The following FMN2 variants were observed in gnomAD, a reference collection of about 807,000 sequenced individuals.
FMN2 encodes formin-2.
In FMN2, 51 loss-of-function variants were observed where a neutral mutation model predicts 142.3. The observed-to-expected ratio is 0.36, with a 90% CI of 0.29 to 0.45. The LOEUF (loss-of-function observed/expected upper bound fraction) is 0.45. Among genes scored for constraint, FMN2 ranks in the 20% least tolerant of loss-of-function variants. The pLI, the probability that FMN2 is intolerant of heterozygous loss-of-function variation, is 1.00. For missense variants in FMN2, 1,936 were observed against 2,122.8 expected, an observed-to-expected ratio of 0.91 and a Z score of 1.73; for synonymous variants, 882 against 869.8, an observed-to-expected ratio of 1.01 and a Z score of -0.25.
chr1:240,343,926 A>C (rs1326029885), intron 13 of FMN2, among the ~76,000 whole-genome samples: 1 of 152,104 alleles, frequency 6.6e-6, no homozygotes, highest in East Asian at 1.9e-4. Context: ...GGAGAGAGAG[A>C]GGCATTTCAG....
intron 4 of FMN2, among the ~76,000 whole-genome samples, chr1:240,200,303 T>C (rs1666077556): frequency 6.6e-6 from 1 of 152,168 alleles, no homozygotes; most frequent in Admixed American, 6.5e-5. Flanking sequence ...ATTACTAATA[T>C]CTGCCATGTA....
chr1:240,211,147 A>G lies in FMN2; in HGVS notation c.3977A>G (p.His1326Arg), dbSNP rs1417244510. The part of the protein sequence containing the change: ...EKIEEPSIDC[H>R]EFEELFSKTA... ...ATTGAAGAGCCATCCATAGATTGTC[A>G]TGAATTTGAGGAATTATTTTCTAAA... The change falls in exon 6 of 18, where the codon CAT becomes CGT. Residue 1326 changes from histidine (H) to arginine (R), a missense_variant. By Grantham distance (29) the His-to-Arg change is conservative. Around this residue, in one of 8 missense-constraint regions of FMN2, gnomAD observed 259 missense variants for 230.9 expected, o/e 1.12. Coordinates refer to ENST00000319653, the MANE Select transcript of FMN2 (RefSeq NM_020066.5). 1.9e-6 allele frequency: 3 copies of G among 1,613,568 alleles called. No individual in the cohort carries two copies. The highest frequency in any genetic ancestry group is 2.5e-6 in the Non-Finnish European group (3 of 1,179,848).
At chr1:240,227,428 A>AT (rs112001118) in intron 6 of FMN2, among the ~76,000 whole-genome samples, 244 of 151,432 alleles carry the variant, frequency 1.6e-3, no homozygotes, top group African/African-American at 4.7e-3. Context: ...CTCCAAACTC[A>AT]TTTTTTTTTA....
rs748769030 is a variant in FMN2 at position 240,092,192 on chromosome 1, G to A, written c.83G>A (p.Gly28Glu). The change falls in exon 1 of 18, where the codon GGG (glycine) becomes GAG (glutamate). Residue 28 changes from glycine (G) to glutamate (E), a missense_variant. Coordinates refer to ENST00000319653, the MANE Select transcript of FMN2 (RefSeq NM_020066.5). ...EGGGGAEDAL[G>E]PRDVEATKKG... ...GGCGGTGGCGCCGAGGATGCGCTGG[G>A]GCCCAGGGATGTGGAAGCCACAAAG... 6.3e-7 allele frequency: 1 copy of A among 1,582,478 alleles called. No homozygotes were observed. The highest frequency in any genetic ancestry group is 8.6e-7 in the Non-Finnish European group (1 of 1,165,464).
chr1:240,169,494 C>T (rs1458636570), intron 2 of FMN2, among the ~76,000 whole-genome samples: 1 of 152,158 alleles, frequency 6.6e-6, no homozygotes, highest in Non-Finnish European at 1.5e-5. Flanking sequence ...GAGACGGTTT[C>T]ACTGTGTCGC....
intron 15 of FMN2, among the ~76,000 whole-genome samples, chr1:240,396,204 A>G (rs941605802): frequency 2.0e-5 from 3 of 152,332 alleles, no homozygotes; most frequent in East Asian, 1.9e-4. Context: ...TAACTTTTAT[A>G]TGCACTAGGA....
At chr1:240,381,055 C>G (rs985334989) in intron 14 of FMN2, among the ~76,000 whole-genome samples, 3 of 152,008 alleles carry the variant, frequency 2.0e-5, no homozygotes, top group African/African-American at 7.3e-5. Flanking sequence ...CAGAACCAGA[C>G]AGATGAACAG....
At chr1:240,402,040 G>A (rs1308081738) in intron 15 of FMN2, among the ~76,000 whole-genome samples, 1 of 152,202 alleles carries the variant, frequency 6.6e-6, no homozygotes, top group Non-Finnish European at 1.5e-5. Flanking sequence ...TTTCTTGAAG[G>A]CTTATTCATG....
chr1:240,368,953 G>GTT (rs1468175858), intron 14 of FMN2, among the ~76,000 whole-genome samples: 1 of 81,652 alleles, frequency 1.2e-5, no homozygotes, highest in Non-Finnish European at 2.1e-5. Flanking sequence ...ACAACACAAT[G>GTT]TTTATATATA....
At chr1:240,172,657 A>AG (rs1180175019) in intron 2 of FMN2, among the ~76,000 whole-genome samples, 1 of 152,094 alleles carries the variant, frequency 6.6e-6, no homozygotes, top group African/African-American at 2.4e-5. Context: ...AGGTTTGCTT[A>AG]GGGGGGAGCA....
rs535826618 is a variant in FMN2 at position 240,175,005 on chromosome 1, G to A, written c.1783-2916G>A. On this transcript the variant is annotated intron_variant, in intron 2 of 17. Coordinates refer to ENST00000319653, the MANE Select transcript of FMN2 (RefSeq NM_020066.5). ...TCCTATCCCCCATCTCTCCAATCCG[G>A]GCAACCACCATTTGACTTTCTGACA... Among the ~76,000 whole-genome samples the A allele has an allele frequency of 5.3e-5, 8 of 152,036 alleles. No individual in the cohort carries two copies. In the East Asian group the frequency reaches 1.4e-3, roughly 26 times the overall value.
chr1:240,171,018 G>A, intron 2 of FMN2: 1 of 889,044 alleles, frequency 1.1e-6, no homozygotes, highest in Non-Finnish European at 1.9e-6. Context: ...AGGCATGTCA[G>A]CAGGGCTGGG....
At position 240,340,396 on chromosome 1, in the gene FMN2, C is replaced by A. The variant is rs141800576; in HGVS notation, c.4765+6167C>A. Among the ~76,000 whole-genome samples the A allele has an allele frequency of 6.2e-3, 943 of 152,086 alleles. 13 individuals carry two copies. Among genetic ancestry groups the A allele is most frequent in the African/African-American group, 0.021 (881 of 41,482 alleles). ...AGGAGTTCAAGACCAGCCTGACCAA[C>A]ATGGTGAAACCCCATCTCTACTAAA... On this transcript the variant is annotated intron_variant, in intron 13 of 17. Transcript: ENST00000319653.
intron 13 of FMN2, among the ~76,000 whole-genome samples, chr1:240,342,033 C>T (rs1671761242): frequency 6.6e-6 from 1 of 152,336 alleles, no homozygotes; most frequent in Middle Eastern, 3.4e-3. Context: ...TCTGTTCTCT[C>T]CCATCCCCAG....
chr1:240,437,793 A>G (rs1380657326), intron 15 of FMN2, among the ~76,000 whole-genome samples: 1 of 152,218 alleles, frequency 6.6e-6, no homozygotes, highest in African/African-American at 2.4e-5. Context: ...TTTCTGGAGT[A>G]TGTCCAACAC....
intron 2 of FMN2, among the ~76,000 whole-genome samples, chr1:240,161,809 C>G (rs557266582): frequency 6.6e-6 from 1 of 152,102 alleles, no homozygotes; most frequent in Admixed American, 6.5e-5. Flanking sequence ...CTCACAAATA[C>G]AAAACTTTCT....
At chr1:240,186,375 T>TG (rs1001590964) in intron 3 of FMN2, among the ~76,000 whole-genome samples, 1 of 152,182 alleles carries the variant, frequency 6.6e-6, no homozygotes, top group Non-Finnish European at 1.5e-5. Flanking sequence ...TATTTGGATG[T>TG]GGGGGACACA....
At chr1:240,332,379 A>G (rs973422677) in intron 11 of FMN2, among the ~76,000 whole-genome samples, 1 of 151,612 alleles carries the variant, frequency 6.6e-6, no homozygotes, top group African/African-American at 2.4e-5. Flanking sequence ...AAAAAAAAAA[A>G]GAAAGAAAAG....
intron 14 of FMN2, among the ~76,000 whole-genome samples, chr1:240,365,197 ATGTGTGTGT>A (rs1672623267): frequency 1.4e-5 from 2 of 140,886 alleles, no homozygotes. Context: ...ATACATACAT[ATGTGTGTGT>A]ATATATATAC....
Sources: gnomAD v4.1 joint callset for allele counts (sites outside exome capture counted in the v4.1 genomes callset) on GRCh38, gnomAD v4.1.1 for gene constraint, gnomAD v4.1.1 regional missense constraint, MANE v1.5 for transcripts, NCBI Gene and HGNC (gene_info 2026-07-23, HGNC 2026-07-21) for gene names.